DIAPH3: variants seen among roughly 807,000 people sequenced by gnomAD.
DIAPH3 encodes diaphanous related formin 3, also known as protein diaphanous homolog 3.
A neutral mutation model predicts 144.3 loss-of-function variants in DIAPH3; 117 were observed. The observed-to-expected ratio is 0.81, with a 90% CI of 0.70 to 0.95. The LOEUF is 0.95. Among genes scored for constraint, DIAPH3 ranks in the 40% least tolerant of loss-of-function variants. The pLI is 0.00. For synonymous variants in DIAPH3, 519 were observed against 488.9 expected (o/e 1.06, Z -0.81); for missense variants, 1,421 against 1,412.7 (o/e 1.01, Z -0.09).
In DIAPH3 at chr13:60,073,308, C is replaced by CA. The variant is rs550329629; in HGVS notation, c.495+20319dup. 5.7e-3 allele frequency among the ~76,000 whole-genome samples: 706 copies of CA among 123,218 alleles called. 1 individual carries two copies. Among genetic ancestry groups the CA allele is most frequent in the African/African-American group, 0.012 (401 of 33,130 alleles). 80.8% of individuals were successfully genotyped at this position (123,218 alleles called of 152,430 possible). On this transcript the variant is annotated intron_variant, in intron 4 of 27. Coordinates refer to ENST00000400324, the MANE Select transcript of DIAPH3 (RefSeq NM_001042517.2). ...TGGGCAACAGAGCGGGATGTTGTCT[C>CA]AAAAAAAAAAAAAAGATGAAAATAC...
intron 20 of DIAPH3, among the ~76,000 whole-genome samples, chr13:59,911,196 C>T (rs573385062): frequency 2.6e-5 from 4 of 152,072 alleles, no homozygotes; most frequent in Non-Finnish European, 5.9e-5. Context: ...TAATATATGG[C>T]ATTGGAAATT....
chr13:59,852,221 A>T (rs767942819), intron 22 of DIAPH3, among the ~76,000 whole-genome samples: 14 of 152,188 alleles, frequency 9.2e-5, no homozygotes, highest in Non-Finnish European at 2.1e-4. Context: ...CTTAAAGGTG[A>T]TCTCTTCTGA....
chr13:59,826,982 G>T (rs1442664206), intron 24 of DIAPH3, among the ~76,000 whole-genome samples: 18 of 151,798 alleles, frequency 1.2e-4, no homozygotes, highest in Admixed American at 3.3e-4. Context: ...TAGCCATATG[G>T]AGAAAGCTGA....
Position 60,008,626 on chromosome 13 carries a change from A to G in DIAPH3, c.932T>C (p.Leu311Ser). ...ESILEEVLEA[L>S]TSAGEEKKID... is the part of the protein sequence containing the mutation. ...TTTTTTTTCTTCACCAGCTGAAGTTAAAGCTTCTAAAACTTCTTCAAGGCT... is the reference window on the plus strand; with the variant it reads ...TTTTTTTTCTTCACCAGCTGAAGTTGAAGCTTCTAAAACTTCTTCAAGGCT... The change falls in exon 9 of 28, where the codon TTA (leucine) becomes TCA (serine). Residue 311 changes from leucine to serine, a missense_variant. By Grantham distance (145) the Leu-to-Ser change is moderately radical (BLOSUM62 -2). Coordinates refer to ENST00000400324, the MANE Select transcript of DIAPH3 (RefSeq NM_001042517.2). 1 of 1,613,380 alleles carries G rather than the reference A, an allele frequency of 6.2e-7. No homozygotes were observed. The highest frequency in any genetic ancestry group is 8.5e-7 in the Non-Finnish European group (1 of 1,179,546).
At chr13:59,671,324 C>T (rs1593545846) in intron 27 of DIAPH3, among the ~76,000 whole-genome samples, 1 of 152,142 alleles carries the variant, frequency 6.6e-6, no homozygotes, top group African/African-American at 2.4e-5. Context: ...CATATGGACT[C>T]AATGAAAGGT....
chr13:59,992,108 C>T lies in DIAPH3; in HGVS notation c.1204G>A (p.Glu402Lys). The change falls in exon 11 of 28, where the codon GAG (glutamate) becomes AAG (lysine). Residue 402 changes from glutamate (E) to lysine (K), a missense_variant. By Grantham distance (56) the Glu-to-Lys change is moderately conservative (BLOSUM62 1). Transcript: ENST00000400324. ...ATATCTTCAAGGCGATGGGATAACT[C>T]AAACAAATCTTCTTCTTTATGCTCA... ...FDEHKEEDLF[E>K]LSHRLEDIRA... The T allele has an allele frequency of 1.2e-6, 2 of 1,611,942 alleles. No homozygotes were observed. The highest frequency in any genetic ancestry group is 1.7e-6 in the Non-Finnish European group (2 of 1,178,752).
At chr13:59,793,821 G>T (rs2039442480) in intron 25 of DIAPH3, among the ~76,000 whole-genome samples, 1 of 152,130 alleles carries the variant, frequency 6.6e-6, no homozygotes, top group African/African-American at 2.4e-5. Context: ...TGGAACACAG[G>T]ACTTTCAGTG....
chr13:60,062,175 A>G, intron 4 of DIAPH3, among the ~76,000 whole-genome samples: 1 of 152,156 alleles, frequency 6.6e-6, no homozygotes, highest in East Asian at 1.9e-4. Context: ...GTTTATCTTT[A>G]CCTGCATCTC....
intron 20 of DIAPH3, among the ~76,000 whole-genome samples, chr13:59,910,449 C>T (rs897691595): frequency 1.3e-5 from 2 of 152,036 alleles, no homozygotes; most frequent in African/African-American, 2.4e-5. Context: ...TAGAAAAGGC[C>T]GGGTGGGGTG....
At chr13:59,993,809 A>AC (rs2052006714) in intron 9 of DIAPH3, among the ~76,000 whole-genome samples, 2 of 149,062 alleles carry the variant, frequency 1.3e-5, no homozygotes, top group Admixed American at 1.4e-4. Context: ...TTTTCCTTCC[A>AC]CCCCCTTGCC....
intron 2 of DIAPH3, among the ~76,000 whole-genome samples, chr13:60,127,233 C>T (rs866384878): frequency 3.2e-4 from 48 of 151,850 alleles, no homozygotes; most frequent in Non-Finnish European, 4.4e-4. Flanking sequence ...AATTCAACAA[C>T]ATAGATAAAA....
chr13:60,052,549 C>T (rs1003437863), intron 4 of DIAPH3, among the ~76,000 whole-genome samples: 1 of 152,102 alleles, frequency 6.6e-6, no homozygotes, highest in Non-Finnish European at 1.5e-5. Flanking sequence ...TACATGCCAG[C>T]ATCTCTGTGT....
In DIAPH3 at chr13:59,971,162, T is replaced by C. The variant is rs1173732657; in HGVS notation, c.1651-2A>G. Reference sequence around the variant, plus strand: ...ACAATCAGCTGGCAAGGCACCAAACTGGAGAAAAAAACAATAAGAGACATA... The same window carrying C: ...ACAATCAGCTGGCAAGGCACCAAACCGGAGAAAAAAACAATAAGAGACATA... On this transcript the variant is annotated splice_acceptor_variant, in intron 15 of 27. Transcript: ENST00000400324. LOFTEE classifies it high-confidence loss of function. 1.3e-6 allele frequency: 2 copies of C among 1,564,758 alleles called. No individual in the cohort carries two copies.
At chr13:59,847,918 A>G (rs1028815404) in intron 22 of DIAPH3, among the ~76,000 whole-genome samples, 1 of 152,238 alleles carries the variant, frequency 6.6e-6, no homozygotes, top group African/African-American at 2.4e-5. Context: ...TGGCACCTTA[A>G]ACTCACTTTT....
chr13:59,879,866 C>T (rs1187771074), intron 20 of DIAPH3, among the ~76,000 whole-genome samples: 4 of 152,116 alleles, frequency 2.6e-5, no homozygotes, highest in African/African-American at 9.7e-5. Context: ...AAAACACATT[C>T]AGAAAAGTCT....
chr13:59,797,802 C>T (rs1262159199), intron 25 of DIAPH3, among the ~76,000 whole-genome samples: 1 of 152,134 alleles, frequency 6.6e-6, no homozygotes, highest in Non-Finnish European at 1.5e-5. Flanking sequence ...CCAGCTTATC[C>T]TCATGAGCTA....
chr13:59,981,851 G>T lies in DIAPH3; in HGVS notation c.1481-992C>A, dbSNP rs368268228. Among the ~76,000 whole-genome samples, 71 of 150,992 alleles carry T rather than the reference G, an allele frequency of 4.7e-4. 1 individual carries two copies. The South Asian group carries it at 0.014, about 30-fold the overall frequency. On this transcript the variant is annotated intron_variant, in intron 13 of 27. Transcript: ENST00000400324. ...AAAATGTACATAAGTATTATTTCTT[G>T]ATTTATCTATTTAAGACATTATAGA... is the stretch of plus-strand genomic sequence containing the variant.
chr13:59,983,696 G>A (rs2051181057), intron 13 of DIAPH3, 73 bp downstream of exon 13: 1 of 1,041,604 alleles, frequency 9.6e-7, no homozygotes, highest in South Asian at 1.3e-5. Context: ...CACAACCCGA[G>A]AACCAATGCC....
chr13:59,929,472 C>A (rs942852689), intron 17 of DIAPH3, among the ~76,000 whole-genome samples: 9 of 151,712 alleles, frequency 5.9e-5, no homozygotes, highest in Non-Finnish European at 2.9e-5. Flanking sequence ...ACTGCTATCA[C>A]CCTGTCTTAA....
Sources: allele counts gnomAD v4.1 joint callset (sites outside exome capture counted in the v4.1 genomes callset), GRCh38; gene constraint gnomAD v4.1.1; transcripts MANE v1.5; gene names NCBI Gene and HGNC (gene_info 2026-07-23, HGNC 2026-07-21).